The following FBXO31 variants were observed in gnomAD, a reference collection of about 807,000 sequenced individuals.
FBXO31 encodes the protein F-box protein 31, also known as F-box only protein 31.
A neutral mutation model predicts 54.4 loss-of-function variants in FBXO31; 24 were observed. The ratio of observed to expected loss-of-function variants is 0.44; its 90% CI spans 0.32 to 0.62. The LOEUF (loss-of-function observed/expected upper bound fraction) is 0.62. FBXO31 is among the 20% of genes least tolerant of loss of function. FBXO31 has a pLI of 0.05. For synonymous variants in FBXO31, 388 were observed against 335.6 expected (o/e 1.16, Z -1.71); for missense variants, 665 against 787.1 (o/e 0.84, Z 1.86).
At chr16:87,349,799 C>G (rs1905564445) in intron 2 of FBXO31, among the ~76,000 whole-genome samples, 1 of 151,064 alleles carries the variant, frequency 6.6e-6, no homozygotes, top group South Asian at 2.1e-4. Flanking sequence ...GTCCCAGCTA[C>G]CCAGGAGGTT....
At chr16:87,379,213 C>G (rs1437775324) in intron 1 of FBXO31, among the ~76,000 whole-genome samples, 1 of 152,112 alleles carries the variant, frequency 6.6e-6, no homozygotes, top group Non-Finnish European at 1.5e-5. Context: ...ACTGCAACCT[C>G]CACATCCCAG....
At chr16:87,392,077 C>T (rs16944733), upstream of FBXO31, 673 of 226,768 alleles carry the variant, frequency 3.0e-3, 1 homozygote, top group African/African-American at 0.011. Context: ...AGCCCACAAC[C>T]GTCACCTCAG....
In FBXO31 at chr16:87,338,023, A is replaced by G. The variant is rs1308946163; in HGVS notation, c.733-1759T>C. Reference sequence around the variant, plus strand: ...AACAGATAGAAACAAAAGTAACTGAATGTAATGAACAAAGATTTCAATGTT... The same window carrying G: ...AACAGATAGAAACAAAAGTAACTGAGTGTAATGAACAAAGATTTCAATGTT... On this transcript the variant is annotated intron_variant, in intron 5 of 8. Transcript: ENST00000311635. This position sits in a 1 kb window ranked among gnomAD's most constrained non-coding sequence, Gnocchi z 4.3. Among the ~76,000 whole-genome samples, 2 of 152,212 alleles carry G rather than the reference A, an allele frequency of 1.3e-5. No homozygotes were observed. The highest frequency in any genetic ancestry group is 2.9e-5 in the Non-Finnish European group (2 of 68,044).
chr16:87,362,458 T>C (rs566739881), intron 1 of FBXO31: 75 of 152,098 alleles, frequency 4.9e-4, no homozygotes, highest in African/African-American at 1.7e-3. Flanking sequence ...GTGGCTATAG[T>C]TAAAACATAC....
intron 1 of FBXO31, among the ~76,000 whole-genome samples, chr16:87,374,231 C>T (rs531380024): frequency 2.5e-4 from 38 of 151,500 alleles, no homozygotes; most frequent in African/African-American, 9.0e-4. Context: ...AACAGAGGCC[C>T]TGTCTCCACA....
At chr16:87,344,171 C>A (rs1905283684) in intron 3 of FBXO31, among the ~76,000 whole-genome samples, 2 of 152,260 alleles carry the variant, frequency 1.3e-5, no homozygotes, top group Non-Finnish European at 2.9e-5. Flanking sequence ...GGACCGTGTG[C>A]CACTTTTGTC....
chr16:87,337,405 C>T (rs1343787854), intron 5 of FBXO31, among the ~76,000 whole-genome samples: 2 of 152,186 alleles, frequency 1.3e-5, no homozygotes, highest in African/African-American at 4.8e-5. Context: ...ACCACAAGCC[C>T]ACCAGGCACT....
At chr16:87,354,421 T>C (rs1905804158) in intron 2 of FBXO31, among the ~76,000 whole-genome samples, 1 of 150,956 alleles carries the variant, frequency 6.6e-6, no homozygotes, top group Non-Finnish European at 1.5e-5. Flanking sequence ...CAGTGAGCCA[T>C]AACCGCGCCA....
chr16:87,361,723 C>A (rs1046554196), intron 1 of FBXO31, among the ~76,000 whole-genome samples: 3 of 152,210 alleles, frequency 2.0e-5, no homozygotes, highest in East Asian at 3.8e-4. Context: ...ACCCCAAATG[C>A]TTCTCTAACT....
intron 1 of FBXO31, among the ~76,000 whole-genome samples, chr16:87,373,999 G>A (rs1906713800): frequency 6.6e-6 from 1 of 152,110 alleles, no homozygotes; most frequent in South Asian, 2.1e-4. Flanking sequence ...ATGCACTTTG[G>A]GAGACCAAGG....
chr16:87,348,010 G>T (rs1392105405), intron 2 of FBXO31, among the ~76,000 whole-genome samples: 1 of 152,184 alleles, frequency 6.6e-6, no homozygotes, highest in African/African-American at 2.4e-5. Flanking sequence ...AGGTCAGGCT[G>T]GGCCATCTCA....
chr16:87,391,170 G>A (rs1161386138), upstream of FBXO31, among the ~76,000 whole-genome samples: 2 of 152,140 alleles, frequency 1.3e-5, no homozygotes, highest in Non-Finnish European at 2.9e-5. Flanking sequence ...GGGCAACACA[G>A]CGAGATCCCG....
intron 5 of FBXO31, among the ~76,000 whole-genome samples, chr16:87,340,323 G>A (rs2081125400): frequency 6.6e-6 from 1 of 152,196 alleles, no homozygotes; most frequent in African/African-American, 2.4e-5. Context: ...AGAATAGTGT[G>A]GTACTGACAT....
At position 87,335,334 on chromosome 16, in the gene FBXO31, G is replaced by A. The variant is rs201736750; in HGVS notation, c.966C>T (p.His322=). The A allele has an allele frequency of 4.5e-5, 73 of 1,613,906 alleles. No homozygotes were observed. In the African/African-American group the frequency reaches 7.1e-4, roughly 16 times the overall value. The change falls in exon 7 of 9, where the codon CAC becomes CAT. Residue 322 remains histidine, a synonymous_variant. Coordinates refer to ENST00000311635, the MANE Select transcript of FBXO31 (RefSeq NM_024735.5). The surrounding 1 kb of genome is among the most constrained non-coding windows in gnomAD (Gnocchi z 5.7). Reference sequence around the variant, plus strand: ...TCTTGGTGCCCCTGGCACGCCGGCCGTGGAAGCTGAGCATCACAATCTCCA... The same window carrying A: ...TCTTGGTGCCCCTGGCACGCCGGCCATGGAAGCTGAGCATCACAATCTCCA... ...HGLEIVMLSF[H]GRRARGTKIT...
chr16:87,347,163 C>A lies in FBXO31; in HGVS notation c.489+11G>T. Reference sequence around the variant, plus strand: ...CGTGCACAGACCTCGTCGCGAGGCTCCGGGACTTACCACCACGTTCAGCAG... The same window carrying A: ...CGTGCACAGACCTCGTCGCGAGGCTACGGGACTTACCACCACGTTCAGCAG... On this transcript the variant is annotated intron_variant, in intron 3 of 8. Transcript: ENST00000311635. 1 of 1,613,704 alleles carries A rather than the reference C, an allele frequency of 6.2e-7. No homozygotes were observed. The highest frequency in any genetic ancestry group is 8.5e-7 in the Non-Finnish European group (1 of 1,179,712).
At chr16:87,368,848 G>A (rs1020220357) in intron 1 of FBXO31, among the ~76,000 whole-genome samples, 4 of 152,034 alleles carry the variant, frequency 2.6e-5, no homozygotes, top group Non-Finnish European at 5.9e-5. Context: ...TGCCCAGGCC[G>A]GAGTGCAGTG....
chr16:87,341,710 T>G (rs1054057990), intron 5 of FBXO31, among the ~76,000 whole-genome samples: 1 of 150,962 alleles, frequency 6.6e-6, no homozygotes, highest in African/African-American at 2.4e-5. Context: ...ACACATACGT[T>G]GTGTTTCTGT....
intron 1 of FBXO31, among the ~76,000 whole-genome samples, chr16:87,364,365 G>C (rs747426897): frequency 2.6e-5 from 4 of 152,244 alleles, no homozygotes; most frequent in Non-Finnish European, 5.9e-5. Flanking sequence ...ACTCTAGTGA[G>C]CGCTGCAGCA....
chr16:87,379,326 G>A (rs1487384571), intron 1 of FBXO31, among the ~76,000 whole-genome samples: 1 of 152,144 alleles, frequency 6.6e-6, no homozygotes, highest in East Asian at 1.9e-4. Context: ...GCAGAGCTGG[G>A]GGGAGAATAG....
Sources: allele counts gnomAD v4.1 joint callset (sites outside exome capture counted in the v4.1 genomes callset), GRCh38; gene constraint gnomAD v4.1.1; non-coding constraint Gnocchi (gnomAD v3.1); transcripts MANE v1.5; gene names NCBI Gene and HGNC (gene_info 2026-07-23, HGNC 2026-07-21).